Variants in ADM2 observed in about 807,000 individuals in gnomAD.
The protein encoded by ADM2 is protein ADM2.
A neutral mutation model predicts 7.1 loss-of-function variants in ADM2; 5 were observed. The ratio of observed to expected loss-of-function variants is 0.71; its 90% confidence interval spans 0.37 to 1.49. The LOEUF (loss-of-function observed/expected upper bound fraction) is 1.49. Ranked by LOEUF, ADM2 falls within the 40% of genes most tolerant of loss-of-function variation. ADM2 has a pLI of 0.03. For missense variants in ADM2, 236 were observed against 211.2 expected, an observed-to-expected ratio of 1.12 and a Z score of -0.73; for synonymous variants, 123 against 92.8, an observed-to-expected ratio of 1.33 and a Z score of -1.87.
At chr22:50,482,371 G>A (rs1408376611) in intron 2 of ADM2, among the ~76,000 whole-genome samples, 196 bp from the exon 3 acceptor site, 2 of 152,138 alleles carry the variant, frequency 1.3e-5, no homozygotes, top group East Asian at 1.9e-4. Context: ...CACGTGACCC[G>A]GGCCACTGAG....
At position 50,481,913 on chromosome 22, in the gene ADM2, G is replaced by A; in HGVS notation, c.66G>A (p.Ser22=). The A allele has an allele frequency of 2.6e-6, 4 of 1,533,242 alleles. No homozygotes were observed. The highest frequency in any genetic ancestry group is 1.2e-5 in the South Asian group (1 of 83,400). The allele number at this position is 1,533,242 out of a possible 1,614,324, so 95.0% of individuals were successfully genotyped here. The change falls in exon 2 of 3, where the codon TCG becomes TCA. Residue 22 remains serine, a synonymous_variant. Transcript: ENST00000395737. ...ISLLCLQLPG[S]LSRSLGGDPR... is the part of the protein sequence containing the mutation. ...TCCTCTGCCTGCAGCTCCCTGGCTCGCTGTCCCGCAGCCTGGGCGGGGACC... is the reference window on the plus strand; with the variant it reads ...TCCTCTGCCTGCAGCTCCCTGGCTCACTGTCCCGCAGCCTGGGCGGGGACC...
Position 50,481,644 on chromosome 22 carries a change from A to C in ADM2, c.-131A>C. On this transcript the variant is annotated 5_prime_UTR_variant, in exon 1 of 3. Coordinates refer to ENST00000395737, the MANE Select transcript of ADM2 (RefSeq NM_001253845.2). ...CAGCCCGCTCCGCCTTGCGCCCCGG[A>C]CCCGCGGCCGACCCCAGACCCGCTG... 1 of 256,812 alleles carries C rather than the reference A, an allele frequency of 3.9e-6. No individual in the cohort carries two copies. The highest frequency in any genetic ancestry group is 7.2e-6 in the Non-Finnish European group (1 of 139,200). 15.9% of individuals were successfully genotyped at this position (256,812 alleles called of 1,614,324 possible). A position where few individuals can be genotyped will look rare whatever the true frequency, so the allele number is the denominator to read the frequency against.
rs2068230076 is a variant in ADM2, at chr22:50,483,829, G to A, written c.*926G>A. ...GAGGGCAGCCCAGGCCCAAGTGACAGCAAGAACAAGAACCACTGCCGGCGT... is the reference window on the plus strand; with the variant it reads ...GAGGGCAGCCCAGGCCCAAGTGACAACAAGAACAAGAACCACTGCCGGCGT... On this transcript the variant is annotated 3_prime_UTR_variant, in exon 3 of 3. Coordinates refer to ENST00000395737, the MANE Select transcript of ADM2 (RefSeq NM_001253845.2). 3 of 159,750 alleles carry A rather than the reference G, an allele frequency of 1.9e-5. No individual in the cohort carries two copies. The South Asian group carries it at 5.5e-4, about 29-fold the overall frequency. 9.9% of individuals were successfully genotyped at this position (159,750 alleles called of 1,614,324 possible).
At position 50,482,769 on chromosome 22, in the gene ADM2, C is replaced by G. The variant is rs200616941; in HGVS notation, c.313C>G (p.Leu105Val). 10 of 1,607,568 alleles carry G rather than the reference C, an allele frequency of 6.2e-6. No individual in the cohort carries two copies. Among genetic ancestry groups the G allele is most frequent in the Non-Finnish European group, 8.5e-6 (10 of 1,178,574 alleles). ...GGGCCCCCGCAGGACCCAAGCCCAG[C>G]TCCTGCGAGTGGGCTGTGTGCTGGG... Reference protein sequence around the residue: ...HSGPRRTQAQLLRVGCVLGTC... With the variant: ...HSGPRRTQAQVLRVGCVLGTC... Residue 105 changes from leucine (L) to valine (V), a missense_variant, in exon 3 of 3, where the codon CTC (leucine) becomes GTC (valine). Leu to Val is a conservative substitution (Grantham distance 32, BLOSUM62 1). Transcript: ENST00000395737.
chr22:50,483,080 G>A lies in ADM2; in HGVS notation c.*177G>A, dbSNP rs577386266. ...CCTAGGCTGGTCTACACGCAGTGCTGGTACGTCAAGGAGCCTAAACACCCT... is the reference window on the plus strand; with the variant it reads ...CCTAGGCTGGTCTACACGCAGTGCTAGTACGTCAAGGAGCCTAAACACCCT... On this transcript the variant is annotated 3_prime_UTR_variant, in exon 3 of 3. Coordinates refer to ENST00000395737, the MANE Select transcript of ADM2 (RefSeq NM_001253845.2). 1.8e-6 allele frequency: 2 copies of A among 1,088,170 alleles called. No homozygotes were observed. Among genetic ancestry groups the A allele is most frequent in the Admixed American group, 2.0e-5 (1 of 50,428 alleles). The allele number at this position is 1,088,170 out of a possible 1,614,324, so 67.4% of individuals were successfully genotyped here.
In ADM2 at chr22:50,486,319, C is replaced by T. The variant is rs1256825904; in HGVS notation, c.*3416C>T. ...GAATCCCCCTACCCTCGAAGGCCGC[C>T]CTAACAACTTCCCATCCGCTGACCC... On this transcript the variant is annotated 3_prime_UTR_variant, in exon 3 of 3. Transcript: ENST00000395737. 1 of 155,620 alleles carries T rather than the reference C, an allele frequency of 6.4e-6. No homozygotes were observed. 9.6% of individuals were successfully genotyped at this position (155,620 alleles called of 1,614,324 possible).
chr22:50,481,745 C>G lies in ADM2; in HGVS notation c.-30C>G, dbSNP rs1048619391. 2 of 715,058 alleles carry G rather than the reference C, an allele frequency of 2.8e-6. No individual in the cohort carries two copies. Among genetic ancestry groups the G allele is most frequent in the Non-Finnish European group, 4.1e-6 (2 of 492,384 alleles). 44.3% of individuals were successfully genotyped at this position (715,058 alleles called of 1,614,324 possible). Reference sequence around the variant, plus strand: ...GCCACGCCCACGCCCGGCGCCCCGACCGCGGAGGACTCCCCGAGGTGCCGG... The same window carrying G: ...GCCACGCCCACGCCCGGCGCCCCGAGCGCGGAGGACTCCCCGAGGTGCCGG... On this transcript the variant is annotated 5_prime_UTR_variant, in exon 1 of 3. Coordinates refer to ENST00000395737, the MANE Select transcript of ADM2 (RefSeq NM_001253845.2).
rs1248154269 is a variant in ADM2, at chr22:50,481,881, A to C, written c.34A>C (p.Ile12Leu). 10 of 1,522,568 alleles carry C rather than the reference A, an allele frequency of 6.6e-6. No individual in the cohort carries two copies. The highest frequency in any genetic ancestry group is 8.8e-6 in the Non-Finnish European group (10 of 1,139,310). 94.3% of individuals were successfully genotyped at this position (1,522,568 alleles called of 1,614,324 possible). A position where few individuals can be genotyped will look rare whatever the true frequency, so the allele number is the denominator to read the frequency against. Residue 12 changes from isoleucine to leucine, a missense_variant, in exon 2 of 3, where the codon ATC becomes CTC. Ile to Leu is a conservative substitution (Grantham distance 5). Transcript: ENST00000395737. The stretch of plus-strand genomic sequence containing the variant: ...GATCCCGACGGCCGCCCTGGGTTGC[A>C]TCAGCCTCCTCTGCCTGCAGCTCCC... ...ARIPTAALGC[I>L]SLLCLQLPGS...
Position 50,483,265 on chromosome 22 carries a change from C to T in ADM2, c.*362C>T, listed in dbSNP as rs2236031. ...GGACGAGCAGGGGAGAGAGGCTGAA[C>T]TGGCCAGAAGTGGCCCCTCCGCTGC... On this transcript the variant is annotated 3_prime_UTR_variant, in exon 3 of 3. Coordinates refer to ENST00000395737, the MANE Select transcript of ADM2 (RefSeq NM_001253845.2). 101,952 of 507,530 alleles carry T rather than the reference C, an allele frequency of 0.2. 11,759 individuals carry two copies. The highest frequency in any genetic ancestry group is 0.4 in the African/African-American group (20,875 of 52,058). The allele number at this position is 507,530 out of a possible 1,614,324, so 31.4% of individuals were successfully genotyped here.
At position 50,482,951 on chromosome 22, in the gene ADM2, C is replaced by T; in HGVS notation, c.*48C>T. 6.5e-7 allele frequency: 1 copy of T among 1,543,490 alleles called. No homozygotes were observed. Among genetic ancestry groups the T allele is most frequent in the African/African-American group, 1.4e-5 (1 of 73,482 alleles). ...GCCCATCCCAGCCAGGGTGCTGTGC[C>T]CCCGTCCAGAGCTGCAGCTGAGCCC... On this transcript the variant is annotated 3_prime_UTR_variant, in exon 3 of 3. Coordinates refer to ENST00000395737, the MANE Select transcript of ADM2 (RefSeq NM_001253845.2).
In ADM2 at chr22:50,484,243, G is replaced by A. The variant is rs1569516078; in HGVS notation, c.*1340G>A. On this transcript the variant is annotated 3_prime_UTR_variant, in exon 3 of 3. Coordinates refer to ENST00000395737, the MANE Select transcript of ADM2 (RefSeq NM_001253845.2). The stretch of plus-strand genomic sequence containing the variant: ...CACGAGGCCCTGTGGGAACGGTCCA[G>A]GCTGGTCCTGCCCTGTGGAGGCCTC... The A allele has an allele frequency of 6.6e-6, 1 of 152,486 alleles. No individual in the cohort carries two copies. The highest frequency in any genetic ancestry group is 1.5e-5 in the Non-Finnish European group (1 of 68,236). 9.4% of individuals were successfully genotyped at this position (152,486 alleles called of 1,614,324 possible).
Position 50,481,728 on chromosome 22 carries a change from C to A in ADM2, c.-47C>A. On this transcript the variant is annotated 5_prime_UTR_variant, in exon 1 of 3. Coordinates refer to ENST00000395737, the MANE Select transcript of ADM2 (RefSeq NM_001253845.2). ...ACGCCCGTGCCCAGCTTGCCACGCCCACGCCCGGCGCCCCGACCGCGGAGG... is the reference window on the plus strand; with the variant it reads ...ACGCCCGTGCCCAGCTTGCCACGCCAACGCCCGGCGCCCCGACCGCGGAGG... The A allele has an allele frequency of 1.8e-6, 1 of 564,850 alleles. No homozygotes were observed. Among genetic ancestry groups the A allele is most frequent in the Non-Finnish European group, 2.7e-6 (1 of 363,952 alleles). The allele number at this position is 564,850 out of a possible 1,614,324, so 35.0% of individuals were successfully genotyped here.
chr22:50,482,430 G>A, intron 2 of ADM2, 137 bp from the exon 3 acceptor site: 5 of 1,353,964 alleles, frequency 3.7e-6, no homozygotes, highest in Non-Finnish European at 4.8e-6. Context: ...CCCTGGCCGT[G>A]CTCCAGGCTG....
In ADM2 at chr22:50,486,090, G is replaced by C. The variant is rs2068264086; in HGVS notation, c.*3187G>C. 6.6e-6 allele frequency: 1 copy of C among 152,226 alleles called. No homozygotes were observed. The highest frequency in any genetic ancestry group is 1.5e-5 in the Non-Finnish European group (1 of 68,092). The allele number at this position is 152,226 out of a possible 1,614,324, so 9.4% of individuals were successfully genotyped here. A position where few individuals can be genotyped will look rare whatever the true frequency, so the allele number is the denominator to read the frequency against. On this transcript the variant is annotated 3_prime_UTR_variant, in exon 3 of 3. Coordinates refer to ENST00000395737, the MANE Select transcript of ADM2 (RefSeq NM_001253845.2). ...CACTCTGTGGCCGAACTCTAGGCAGGTGCCCCTGAGTCCTTTCCTCGACGA... is the reference window on the plus strand; with the variant it reads ...CACTCTGTGGCCGAACTCTAGGCAGCTGCCCCTGAGTCCTTTCCTCGACGA...
chr22:50,482,783 C>T lies in ADM2; in HGVS notation c.327C>T (p.Gly109=), dbSNP rs2068213420. The change falls in exon 3 of 3, where the codon GGC becomes GGT. Residue 109 remains glycine, a synonymous_variant. Transcript: ENST00000395737. The part of the protein sequence containing the change: ...RRTQAQLLRV[G]CVLGTCQVQN... ...CCCAAGCCCAGCTCCTGCGAGTGGGCTGTGTGCTGGGCACCTGCCAGGTGC... is the reference window on the plus strand; with the variant it reads ...CCCAAGCCCAGCTCCTGCGAGTGGGTTGTGTGCTGGGCACCTGCCAGGTGC... 1.2e-6 allele frequency: 2 copies of T among 1,608,086 alleles called. No individual in the cohort carries two copies. Among genetic ancestry groups the T allele is most frequent in the East Asian group, 4.5e-5 (2 of 44,832 alleles).
Position 50,483,385 on chromosome 22 carries a change from G to T in ADM2, c.*482G>T. ...CACGTGCCTGCCTGTGGGACAGGAG[G>T]GGGAGCGTGGGATGCTGTAGCCCCC... On this transcript the variant is annotated 3_prime_UTR_variant, in exon 3 of 3. Transcript: ENST00000395737. The T allele has an allele frequency of 2.4e-6, 1 of 420,378 alleles. No individual in the cohort carries two copies. Among genetic ancestry groups the T allele is most frequent in the Non-Finnish European group, 4.9e-6 (1 of 202,766 alleles). The allele number at this position is 420,378 out of a possible 1,614,324, so 26.0% of individuals were successfully genotyped here.
Position 50,483,230 on chromosome 22 carries a change from G to C in ADM2, c.*327G>C, listed in dbSNP as rs2068221135. On this transcript the variant is annotated 3_prime_UTR_variant, in exon 3 of 3. Coordinates refer to ENST00000395737, the MANE Select transcript of ADM2 (RefSeq NM_001253845.2). ...CAGAAGCTGGGCCCTGAACACACGGGGCCATGTCTGGACGAGCAGGGGAGA... is the reference window on the plus strand; with the variant it reads ...CAGAAGCTGGGCCCTGAACACACGGCGCCATGTCTGGACGAGCAGGGGAGA... 1.8e-6 allele frequency: 1 copy of C among 560,604 alleles called. No homozygotes were observed. Among genetic ancestry groups the C allele is most frequent in the Non-Finnish European group, 3.4e-6 (1 of 294,504 alleles). The allele number at this position is 560,604 out of a possible 1,614,324, so 34.7% of individuals were successfully genotyped here. A position where few individuals can be genotyped will look rare whatever the true frequency, so the allele number is the denominator to read the frequency against.
chr22:50,483,300 C>A lies in ADM2; in HGVS notation c.*397C>A. 1 of 474,030 alleles carries A rather than the reference C, an allele frequency of 2.1e-6. No individual in the cohort carries two copies. The highest frequency in any genetic ancestry group is 4.2e-6 in the Non-Finnish European group (1 of 238,432). The allele number at this position is 474,030 out of a possible 1,614,324, so 29.4% of individuals were successfully genotyped here. A position where few individuals can be genotyped will look rare whatever the true frequency, so the allele number is the denominator to read the frequency against. ...GTGGCCCCTCCGCTGCTGGTCCAGT[C>A]AGACTGAAGCCCGGCCTTGTGCCTG... On this transcript the variant is annotated 3_prime_UTR_variant, in exon 3 of 3. Transcript: ENST00000395737.
rs756019768 is a variant in ADM2, at chr22:50,483,164, T to A, written c.*261T>A. ...CACAGCTGGCGGCAGCACCAGATGC[T>A]AAGCGCTTCAGAGAGGAGGTGTCTG... On this transcript the variant is annotated 3_prime_UTR_variant, in exon 3 of 3. Transcript: ENST00000395737. 1 of 679,224 alleles carries A rather than the reference T, an allele frequency of 1.5e-6. No individual in the cohort carries two copies. Among genetic ancestry groups the A allele is most frequent in the African/African-American group, 1.8e-5 (1 of 56,764 alleles). 42.1% of individuals were successfully genotyped at this position (679,224 alleles called of 1,614,324 possible).
Sources: gnomAD v4.1 joint callset for allele counts (sites outside exome capture counted in the v4.1 genomes callset) on GRCh38, gnomAD v4.1.1 for gene constraint, MANE v1.5 for transcripts, NCBI Gene and HGNC (gene_info 2026-07-23, HGNC 2026-07-21) for gene names.